Variants in CSMD3 observed in about 807,000 individuals in gnomAD.
CSMD3 encodes CUB and Sushi multiple domains 3, also known as CUB and sushi domain-containing protein 3.
In CSMD3, 177 loss-of-function variants were observed where a neutral mutation model predicts 435.2. The ratio of observed to expected loss-of-function variants is 0.41; its 90% CI spans 0.36 to 0.46. The LOEUF is 0.46. CSMD3 is among the 20% of genes least tolerant of loss of function. CSMD3 has a pLI of 0.34. For synonymous variants in CSMD3, 1,656 were observed against 1,520.5 expected (o/e 1.09, Z -2.07); for missense variants, 4,265 against 4,504.6 (o/e 0.95, Z 1.52).
chr8:113,161,113 T>A (rs2092030542), intron 4 of CSMD3, among the ~76,000 whole-genome samples: 1 of 152,142 alleles, frequency 6.6e-6, no homozygotes, highest in African/African-American at 2.4e-5. Context: ...GGAATTTTAG[T>A]CTATTCTCTG....
At chr8:112,470,017 C>A (rs895502003) in intron 32 of CSMD3, among the ~76,000 whole-genome samples, 2 of 152,060 alleles carry the variant, frequency 1.3e-5, no homozygotes, top group Admixed American at 6.6e-5. Flanking sequence ...AAATAGAAAT[C>A]TGATTTGTAG....
intron 6 of CSMD3, among the ~76,000 whole-genome samples, chr8:112,978,998 A>G (rs975573492): frequency 6.6e-6 from 1 of 151,998 alleles, no homozygotes; most frequent in Non-Finnish European, 1.5e-5. Flanking sequence ...CAAAAGTCGC[A>G]TTTCAAACAG....
At chr8:112,353,464 G>A (rs1233249978) in intron 38 of CSMD3, among the ~76,000 whole-genome samples, 1 of 152,120 alleles carries the variant, frequency 6.6e-6, no homozygotes, top group Non-Finnish European at 1.5e-5. Context: ...CTTGAATTCA[G>A]TATTTTTCTG....
At chr8:112,369,037 A>G (rs1586897790) in intron 38 of CSMD3, among the ~76,000 whole-genome samples, 1 of 152,120 alleles carries the variant, frequency 6.6e-6, no homozygotes, top group East Asian at 1.9e-4. Flanking sequence ...ATCATTAGCT[A>G]GTTTCGAAGA....
chr8:112,274,187 A>G (rs1246651424), intron 59 of CSMD3, among the ~76,000 whole-genome samples: 2 of 151,852 alleles, frequency 1.3e-5, no homozygotes, highest in African/African-American at 4.9e-5. Flanking sequence ...TTTACCTTCC[A>G]TCTGAAAGAA....
intron 22 of CSMD3, among the ~76,000 whole-genome samples, chr8:112,604,851 C>T (rs925826765): frequency 9.2e-5 from 14 of 152,108 alleles, no homozygotes; most frequent in Middle Eastern, 3.4e-3. Context: ...AACAGACAAC[C>T]GACAGAATAT....
chr8:112,776,393 C>A (rs2078247580), intron 13 of CSMD3, among the ~76,000 whole-genome samples: 2 of 151,662 alleles, frequency 1.3e-5, no homozygotes, highest in African/African-American at 4.8e-5. Context: ...AATACATCAT[C>A]ATCTTATAAG....
intron 3 of CSMD3, among the ~76,000 whole-genome samples, chr8:113,192,000 A>G (rs1287648526): frequency 6.6e-6 from 1 of 151,918 alleles, no homozygotes; most frequent in Non-Finnish European, 1.5e-5. Context: ...TTTGATGATT[A>G]GTGATAATGA....
At chr8:112,661,446 C>T (rs527712955) in intron 17 of CSMD3, among the ~76,000 whole-genome samples, 1 of 152,078 alleles carries the variant, frequency 6.6e-6, no homozygotes, top group South Asian at 2.1e-4. Flanking sequence ...TGCCTTCAAA[C>T]AAAAGTCCAA....
chr8:112,422,732 T>C (rs886563949), intron 32 of CSMD3, among the ~76,000 whole-genome samples: 26 of 152,220 alleles, frequency 1.7e-4, no homozygotes, highest in African/African-American at 5.3e-4. Context: ...TTCTGTGGCA[T>C]TTCTAGTCTG....
intron 38 of CSMD3, among the ~76,000 whole-genome samples, chr8:112,369,824 A>C (rs964990884): frequency 1.3e-5 from 2 of 151,986 alleles, no homozygotes; most frequent in Admixed American, 6.6e-5. Flanking sequence ...GCACATGTAT[A>C]CCTATGTAAC....
chr8:112,292,500 A>G lies in CSMD3; in HGVS notation c.8788+37T>C, dbSNP rs759727041. On this transcript the variant is annotated intron_variant, in intron 55 of 70. Coordinates refer to ENST00000297405, the MANE Select transcript of CSMD3 (RefSeq NM_198123.2). ...CACTGATGTTTATGTGAATATTATT[A>G]TCATGCCACCAAATGGGAATATACT... 5.0e-6 allele frequency: 8 copies of G among 1,600,756 alleles called. 1 individual carries two copies. The South Asian group carries it at 8.8e-5, about 18-fold the overall frequency.
At chr8:112,235,496 AC>A (rs755507988) in intron 67 of CSMD3, among the ~76,000 whole-genome samples, 4 of 152,206 alleles carry the variant, frequency 2.6e-5, no homozygotes, top group Admixed American at 6.5e-5. Context: ...GAAGGTAAAT[AC>A]AAGCAATGAC....
Position 112,827,164 on chromosome 8 carries a change from A to AATATATATATAT in CSMD3, c.1859+2510_1859+2521dup, listed in dbSNP as rs3047126. 8.1e-3 allele frequency among the ~76,000 whole-genome samples: 668 copies of AATATATATATAT among 82,608 alleles called. 16 individuals carry two copies. The highest frequency in any genetic ancestry group is 0.01 in the Non-Finnish European group (463 of 45,134). The allele number at this position is 82,608 out of a possible 152,430, so 54.2% of individuals were successfully genotyped here. On this transcript the variant is annotated intron_variant, in intron 12 of 70. Coordinates refer to ENST00000297405, the MANE Select transcript of CSMD3 (RefSeq NM_198123.2). ...TTCTGTATTTTACTAGGTTACCATA[A>AATATATATATAT]ATATATATATATATATATATATATA...
chr8:113,104,229 G>A (rs2090412832), intron 4 of CSMD3, among the ~76,000 whole-genome samples: 2 of 152,064 alleles, frequency 1.3e-5, no homozygotes, highest in African/African-American at 4.8e-5. Context: ...ACACTTGGTC[G>A]ATTCCAGATG....
intron 45 of CSMD3, among the ~76,000 whole-genome samples, chr8:112,324,875 G>A (rs973950420): frequency 6.6e-6 from 1 of 151,990 alleles, no homozygotes; most frequent in African/African-American, 2.4e-5. Context: ...GACTACTAGA[G>A]TCTATATTGC....
chr8:113,112,363 T>C (rs2090668614), intron 4 of CSMD3, among the ~76,000 whole-genome samples: 2 of 132,490 alleles, frequency 1.5e-5, no homozygotes, highest in African/African-American at 2.8e-5. Flanking sequence ...AATGCAATGA[T>C]ATACACAACT....
At chr8:112,303,530 G>C (rs1230774492) in intron 52 of CSMD3, among the ~76,000 whole-genome samples, 1 of 151,922 alleles carries the variant, frequency 6.6e-6, no homozygotes, top group Non-Finnish European at 1.5e-5. Context: ...ACTCCAGCCT[G>C]GCAGACAGAG....
intron 19 of CSMD3, among the ~76,000 whole-genome samples, chr8:112,647,767 T>C (rs1189840609): frequency 6.6e-6 from 1 of 152,204 alleles, no homozygotes; most frequent in Non-Finnish European, 1.5e-5. Context: ...TTCATCAACC[T>C]AATGACATTT....
Sources: allele counts gnomAD v4.1 joint callset (sites outside exome capture counted in the v4.1 genomes callset), GRCh38; gene constraint gnomAD v4.1.1; transcripts MANE v1.5; gene names NCBI Gene and HGNC (gene_info 2026-07-23, HGNC 2026-07-21).